The following CALN1 variants were observed in gnomAD, a reference collection of about 807,000 sequenced individuals.
CALN1 encodes the protein calneuron 1.
CALN1 carries 17 observed loss-of-function variants against 30.6 expected under a neutral mutation model. The observed-to-expected ratio is 0.56, with a 90% CI of 0.38 to 0.83. The LOEUF is 0.83. Among genes scored for constraint, CALN1 ranks in the 40% least tolerant of loss-of-function variants. The pLI, the probability that CALN1 is intolerant of heterozygous loss-of-function variation, is 0.00. For missense variants in CALN1, 291 were observed against 354.9 expected, an observed-to-expected ratio of 0.82 and a Z score of 1.45; for synonymous variants, 156 against 131.4, an observed-to-expected ratio of 1.19 and a Z score of -1.28.
intron 2 of CALN1, among the ~76,000 whole-genome samples, chr7:72,345,457 G>A (rs1387899513): frequency 7.0e-6 from 1 of 143,588 alleles, no homozygotes; most frequent in East Asian, 2.1e-4. Context: ...AAGACAAAAA[G>A]ACAAAAGAAA....
At chr7:72,025,040 G>A (rs902723323) in intron 4 of CALN1, among the ~76,000 whole-genome samples, 3 of 152,176 alleles carry the variant, frequency 2.0e-5, no homozygotes, top group African/African-American at 7.2e-5. Context: ...GCCAGGTGCG[G>A]TGGCTCATGC....
intron 3 of CALN1, among the ~76,000 whole-genome samples, chr7:72,121,260 T>A (rs1478285532): frequency 7.3e-6 from 1 of 136,708 alleles, no homozygotes; most frequent in Non-Finnish European, 1.6e-5. Context: ...ACATATCTAT[T>A]ATATATCTAT....
intron 3 of CALN1, among the ~76,000 whole-genome samples, chr7:72,273,956 C>G (rs994768352): frequency 6.6e-6 from 1 of 151,958 alleles, no homozygotes; most frequent in African/African-American, 2.4e-5. Context: ...AAGTTACCAT[C>G]ATCTGGAAGA....
At chr7:71,905,166 C>T (rs1438803046) in intron 5 of CALN1, among the ~76,000 whole-genome samples, 2 of 152,122 alleles carry the variant, frequency 1.3e-5, no homozygotes, top group South Asian at 2.1e-4. Flanking sequence ...CTTGAACTCC[C>T]GACTTTGGGT....
chr7:72,186,338 G>A (rs948705927), intron 3 of CALN1, among the ~76,000 whole-genome samples: 11 of 142,976 alleles, frequency 7.7e-5, no homozygotes, highest in African/African-American at 1.5e-4. Context: ...GAAAATCCAC[G>A]TGCCCTCCCT....
chr7:72,179,262 G>A (rs1159321175), intron 3 of CALN1, among the ~76,000 whole-genome samples: 1 of 152,160 alleles, frequency 6.6e-6, no homozygotes, highest in Non-Finnish European at 1.5e-5. Flanking sequence ...TAAGTTTCAC[G>A]GGTAATTAAC....
intron 5 of CALN1, among the ~76,000 whole-genome samples, chr7:71,909,065 G>A (rs939074399): frequency 1.7e-4 from 26 of 152,174 alleles, no homozygotes; most frequent in Admixed American, 1.7e-3. Context: ...TGCCCAGGCT[G>A]GAGTGCAGTG....
intron 5 of CALN1, among the ~76,000 whole-genome samples, chr7:71,873,513 T>C (rs935777000): frequency 6.6e-6 from 1 of 152,240 alleles, no homozygotes; most frequent in Non-Finnish European, 1.5e-5. Context: ...CTGAGTCCAA[T>C]GTTCTCATCT....
At chr7:72,005,332 T>G (rs576027217) in intron 5 of CALN1, among the ~76,000 whole-genome samples, 1 of 152,268 alleles carries the variant, frequency 6.6e-6, no homozygotes, top group African/African-American at 2.4e-5. Context: ...AGAAGCAAAC[T>G]GTTTTTTCTG....
At chr7:72,071,988 A>G (rs186823084) in intron 4 of CALN1, among the ~76,000 whole-genome samples, 1 of 152,318 alleles carries the variant, frequency 6.6e-6, no homozygotes, top group Non-Finnish European at 1.5e-5. Context: ...TCAGAGCAGA[A>G]GGAAAAAAAG....
intron 3 of CALN1, among the ~76,000 whole-genome samples, chr7:72,142,128 G>A (rs920395420): frequency 1.4e-4 from 21 of 152,250 alleles, no homozygotes; most frequent in Non-Finnish European, 2.8e-4. Context: ...AGTGGGTGCA[G>A]GACAGTGGGT....
intron 2 of CALN1, among the ~76,000 whole-genome samples, chr7:72,400,553 C>T (rs551435390): frequency 1.1e-3 from 168 of 152,234 alleles, no homozygotes; most frequent in African/African-American, 3.7e-3. Flanking sequence ...GGAGCAGAGG[C>T]TACATTACAT....
chr7:71,923,690 T>G (rs1394425798), intron 5 of CALN1, among the ~76,000 whole-genome samples: 1 of 152,164 alleles, frequency 6.6e-6, no homozygotes, highest in Non-Finnish European at 1.5e-5. Flanking sequence ...CATGTAATTT[T>G]CAGAATTTAC....
the CALN1 span, among the ~76,000 whole-genome samples, chr7:72,499,822 C>CT: frequency 1.4e-4 from 7 of 48,590 alleles, no homozygotes; most frequent in Admixed American, 2.3e-4. Flanking sequence ...TCCTTCCTTC[C>CT]TTCCTTCTTT....
rs868848077 is a variant in CALN1, at chr7:72,181,106, C to G, written c.245-74812G>C. ...GAGCGAAACTGCATAACCCCCCCCC[C>G]CCCCAAAAAAAAAAAAAATTTTTGG... is the stretch of plus-strand genomic sequence containing the variant. On this transcript the variant is annotated intron_variant, in intron 3 of 6. Transcript: ENST00000395275. 5.2e-5 allele frequency among the ~76,000 whole-genome samples: 5 copies of G among 95,498 alleles called. 1 individual carries two copies. Among genetic ancestry groups the G allele is most frequent in the Admixed American group, 1.0e-4 (1 of 9,644 alleles). The allele number at this position is 95,498 out of a possible 152,430, so 62.7% of individuals were successfully genotyped here.
chr7:72,199,261 C>T (rs918580565), intron 3 of CALN1, among the ~76,000 whole-genome samples: 5 of 151,944 alleles, frequency 3.3e-5, no homozygotes, highest in Admixed American at 2.6e-4. Flanking sequence ...GATGACAGAG[C>T]GAGACCCTGT....
chr7:71,995,780 GC>G (rs1252005466), intron 5 of CALN1, among the ~76,000 whole-genome samples: 1 of 151,724 alleles, frequency 6.6e-6, no homozygotes, highest in Non-Finnish European at 1.5e-5. Flanking sequence ...AAAACAAACA[GC>G]CTGATCCTTG....
Position 72,131,623 on chromosome 7 carries a change from C to T in CALN1, c.245-25329G>A, listed in dbSNP as rs558304714. Among the ~76,000 whole-genome samples the T allele has an allele frequency of 1.1e-4, 17 of 152,282 alleles. No homozygotes were observed. The South Asian group carries it at 2.1e-3, about 19-fold the overall frequency. On this transcript the variant is annotated intron_variant, in intron 3 of 6. Transcript: ENST00000395275. ...GGGCAAATTCTGGATCTTGCCCTGACCTAACATTGTTCACACTCTAAAATT... is the reference window on the plus strand; with the variant it reads ...GGGCAAATTCTGGATCTTGCCCTGATCTAACATTGTTCACACTCTAAAATT...
intron 5 of CALN1, among the ~76,000 whole-genome samples, chr7:72,022,314 T>G (rs960348883): frequency 2.0e-5 from 3 of 152,230 alleles, no homozygotes; most frequent in Admixed American, 6.5e-5. Context: ...TTCAAGGAGT[T>G]ACAGTCTAGT....
Sources: allele counts gnomAD v4.1 joint callset (sites outside exome capture counted in the v4.1 genomes callset), GRCh38; gene constraint gnomAD v4.1.1; transcripts MANE v1.5; gene names NCBI Gene and HGNC (gene_info 2026-07-23, HGNC 2026-07-21).